CNTN5: variants seen among roughly 807,000 people sequenced by gnomAD.
The protein encoded by CNTN5 is contactin-5.
CNTN5 carries 77 observed loss-of-function variants against 129.1 expected under a neutral mutation model. The observed-to-expected ratio is 0.60, with a 90% CI of 0.50 to 0.72. CNTN5 has a LOEUF of 0.72. CNTN5 is among the 30% of genes least tolerant of loss of function. The probability of loss-of-function intolerance (pLI) is 0.00; values close to 1 mark genes in which losing one functional copy is unlikely to be tolerated. For missense variants in CNTN5, 1,478 were observed against 1,328.8 expected (o/e 1.11, Z -1.75); for synonymous variants, 509 against 465.6 (o/e 1.09, Z -1.20).
chr11:99,972,701 A>AG (rs1390037370), intron 8 of CNTN5, among the ~76,000 whole-genome samples: 3 of 152,178 alleles, frequency 2.0e-5, no homozygotes, highest in African/African-American at 7.2e-5. Context: ...AGGCCTGAGG[A>AG]GAACCAGGGT....
intron 2 of CNTN5, among the ~76,000 whole-genome samples, chr11:99,455,946 G>A (rs1488811808): frequency 6.6e-6 from 1 of 151,974 alleles, no homozygotes; most frequent in Non-Finnish European, 1.5e-5. Flanking sequence ...GGATAGTTGT[G>A]GCTCTACCTA....
intron 13 of CNTN5, among the ~76,000 whole-genome samples, chr11:100,128,264 C>G (rs1215158803): frequency 6.6e-6 from 1 of 152,048 alleles, no homozygotes; most frequent in East Asian, 1.9e-4. Flanking sequence ...TAAACAGAAG[C>G]ACTATGTGTT....
chr11:99,669,281 C>T (rs995394312), intron 3 of CNTN5, among the ~76,000 whole-genome samples: 1 of 151,962 alleles, frequency 6.6e-6, no homozygotes, highest in Non-Finnish European at 1.5e-5. Flanking sequence ...AGATTGAGTC[C>T]TGAAATGGAG....
intron 2 of CNTN5, among the ~76,000 whole-genome samples, chr11:99,493,986 C>T (rs887129215): frequency 6.6e-6 from 1 of 152,086 alleles, no homozygotes; most frequent in Non-Finnish European, 1.5e-5. Context: ...TTGGTAGCTA[C>T]CGATTTTATT....
intron 3 of CNTN5, among the ~76,000 whole-genome samples, chr11:99,730,700 T>C (rs1291612559): frequency 6.6e-6 from 1 of 152,222 alleles, no homozygotes; most frequent in Non-Finnish European, 1.5e-5. Flanking sequence ...CATTTCTACA[T>C]ATTTACGGAA....
At chr11:100,257,170 G>A (rs532072538) in intron 17 of CNTN5, among the ~76,000 whole-genome samples, 7 of 152,146 alleles carry the variant, frequency 4.6e-5, no homozygotes, top group Non-Finnish European at 7.3e-5. Context: ...AAGCCACCTG[G>A]AAGTCTGCAA....
chr11:99,812,359 C>T (rs919148002), intron 3 of CNTN5, among the ~76,000 whole-genome samples: 9 of 152,032 alleles, frequency 5.9e-5, no homozygotes, highest in African/African-American at 2.2e-4. Context: ...TTCATATTCT[C>T]ATTTTGTGAC....
Position 99,508,282 on chromosome 11 carries a change from G to A in CNTN5, c.-70-47863G>A, listed in dbSNP as rs554227397. 2.6e-5 allele frequency among the ~76,000 whole-genome samples: 4 copies of A among 152,242 alleles called. No individual in the cohort carries two copies. The East Asian group carries it at 7.7e-4, about 29-fold the overall frequency. ...TATAAAATACCTAGGTTCATGACTG[G>A]CACATATGTTAAGCGCCTGCCTTTC... is the stretch of plus-strand genomic sequence containing the variant. On this transcript the variant is annotated intron_variant, in intron 2 of 24. Transcript: ENST00000524871.
intron 1 of CNTN5, among the ~76,000 whole-genome samples, chr11:99,292,993 C>A (rs1422140265): frequency 6.6e-6 from 1 of 152,110 alleles, no homozygotes; most frequent in East Asian, 1.9e-4. Flanking sequence ...TAATAGGCCC[C>A]CCTTTAATTT....
At chr11:99,057,790 G>A (rs1398233724) in intron 1 of CNTN5, among the ~76,000 whole-genome samples, 3 of 149,506 alleles carry the variant, frequency 2.0e-5, no homozygotes, top group African/African-American at 7.5e-5. Context: ...ACATAAGTGT[G>A]TGTGTGTGTG....
chr11:99,206,618 TTAC>T (rs149784838), intron 1 of CNTN5, among the ~76,000 whole-genome samples: 2 of 112,806 alleles, frequency 1.8e-5, no homozygotes, highest in African/African-American at 3.5e-5. Flanking sequence ...TCTTACCCAC[TTAC>T]TACTACCTTA....
intron 2 of CNTN5, among the ~76,000 whole-genome samples, chr11:99,501,243 G>A (rs552865958): frequency 2.4e-4 from 37 of 152,198 alleles, no homozygotes; most frequent in African/African-American, 6.5e-4. Context: ...TAATTGGGAC[G>A]CTCAGTGACA....
chr11:99,941,571 A>ACACAC (rs140118352), intron 7 of CNTN5, among the ~76,000 whole-genome samples: 1 of 148,270 alleles, frequency 6.7e-6, no homozygotes, highest in Non-Finnish European at 1.5e-5. Context: ...ACATAAGACA[A>ACACAC]ACACACACAC....
intron 8 of CNTN5, among the ~76,000 whole-genome samples, chr11:99,980,663 T>C (rs1187618246): frequency 6.6e-6 from 1 of 152,220 alleles, no homozygotes; most frequent in East Asian, 1.9e-4. Flanking sequence ...TGCCTTTTAA[T>C]ATGAATATAG....
intron 21 of CNTN5, among the ~76,000 whole-genome samples, chr11:100,331,482 G>C (rs1294129809): frequency 6.6e-6 from 1 of 151,940 alleles, no homozygotes; most frequent in Non-Finnish European, 1.5e-5. Context: ...AGAACAAATG[G>C]ACCTAACAGA....
chr11:99,709,970 A>G (rs1002491723), intron 3 of CNTN5, among the ~76,000 whole-genome samples: 2 of 151,890 alleles, frequency 1.3e-5, no homozygotes, highest in Admixed American at 1.3e-4. Flanking sequence ...TGATTTCTGC[A>G]TAAGCTGTGT....
chr11:99,550,288 C>G (rs951742668), intron 2 of CNTN5, among the ~76,000 whole-genome samples: 6 of 152,128 alleles, frequency 3.9e-5, no homozygotes, highest in African/African-American at 1.4e-4. Flanking sequence ...GCTTGGTCCT[C>G]AAAAGATATA....
rs113312926 is a variant in CNTN5 at position 99,226,554 on chromosome 11, C to T, written c.-209-98792C>T. ...GAAAGCCTCCCTACCAACTGTACCT[C>T]GATAACAGGCCATATTCATCATGAA... On this transcript the variant is annotated intron_variant, in intron 1 of 24. Coordinates refer to ENST00000524871, the MANE Select transcript of CNTN5 (RefSeq NM_014361.4). Among the ~76,000 whole-genome samples, 1,042 of 152,214 alleles carry T rather than the reference C, an allele frequency of 6.8e-3. 2 individuals carry two copies. Among genetic ancestry groups the T allele is most frequent in the Non-Finnish European group, 0.012 (785 of 68,016 alleles).
At chr11:99,498,144 T>C (rs1946297161) in intron 2 of CNTN5, among the ~76,000 whole-genome samples, 1 of 152,210 alleles carries the variant, frequency 6.6e-6, no homozygotes, top group South Asian at 2.1e-4. Context: ...GGTTACATTT[T>C]CCATGTCTTT....
Sources: allele counts gnomAD v4.1 joint callset (sites outside exome capture counted in the v4.1 genomes callset), GRCh38; gene constraint gnomAD v4.1.1; transcripts MANE v1.5; gene names NCBI Gene and HGNC (gene_info 2026-07-23, HGNC 2026-07-21).